Variants in FKBP5 observed in about 807,000 individuals in gnomAD.
FKBP5 encodes the protein peptidyl-prolyl cis-trans isomerase FKBP5.
Under a neutral mutation model 50.5 loss-of-function variants are expected in FKBP5, and 23 were observed. That is an observed-to-expected ratio of 0.46 (90% CI 0.33 to 0.65). The LOEUF is 0.65. Among genes scored for constraint, FKBP5 ranks in the 30% least tolerant of loss-of-function variants. The pLI is 0.02. For missense variants in FKBP5, 411 were observed against 553.1 expected (o/e 0.74, Z 2.58); for synonymous variants, 176 against 190.6 (o/e 0.92, Z 0.63).
chr6:35,646,047 C>T (rs1156486413), intron 1 of FKBP5, among the ~76,000 whole-genome samples: 1 of 152,034 alleles, frequency 6.6e-6, no homozygotes, highest in African/African-American at 2.4e-5. Flanking sequence ...ACCTGGGAGG[C>T]AGAAGTTGCA....
chr6:35,651,160 T>C (rs778031968), intron 1 of FKBP5, among the ~76,000 whole-genome samples: 5 of 152,124 alleles, frequency 3.3e-5, no homozygotes, highest in Non-Finnish European at 5.9e-5. Context: ...ATAGAAGAAG[T>C]TTGGAAAGAT....
chr6:35,717,060 C>T (rs1336302527), intron 2 of FKBP5, among the ~76,000 whole-genome samples: 1 of 152,106 alleles, frequency 6.6e-6, no homozygotes, highest in African/African-American at 2.4e-5. Context: ...GAATCCTTAC[C>T]CCACCCCCCG....
At chr6:35,612,929 A>G (rs1297066014) in intron 5 of FKBP5, among the ~76,000 whole-genome samples, 1 of 152,250 alleles carries the variant, frequency 6.6e-6, no homozygotes, top group African/African-American at 2.4e-5. Flanking sequence ...TGTGGGAGTG[A>G]AAACTATTCC....
chr6:35,627,928 A>ATT (rs35468991), intron 3 of FKBP5, among the ~76,000 whole-genome samples: 19,480 of 108,336 alleles, frequency 0.18, 2,090 homozygotes, highest in Non-Finnish European at 0.23. Flanking sequence ...TGCCCAGCTA[A>ATT]TTTTTTTTTT....
At chr6:35,626,870 T>C (rs1005945364) in intron 3 of FKBP5, among the ~76,000 whole-genome samples, 3 of 152,254 alleles carry the variant, frequency 2.0e-5, no homozygotes, top group Admixed American at 1.3e-4. Flanking sequence ...TGTTTATCTA[T>C]TCATCTATTG....
At chr6:35,603,449 T>C (rs562796713) in intron 5 of FKBP5, among the ~76,000 whole-genome samples, 4 of 152,348 alleles carry the variant, frequency 2.6e-5, no homozygotes, top group African/African-American at 9.6e-5. Context: ...TAAATATTTA[T>C]TTAATGACTA....
intron 5 of FKBP5, among the ~76,000 whole-genome samples, chr6:35,601,219 T>C (rs1425592473): frequency 5.3e-5 from 8 of 152,146 alleles, no homozygotes; most frequent in African/African-American, 1.9e-4. Context: ...TAAACGGATA[T>C]ACATCCAGAC....
intron 3 of FKBP5, among the ~76,000 whole-genome samples, chr6:35,622,653 C>T (rs1335412174): frequency 1.3e-5 from 2 of 152,186 alleles, no homozygotes; most frequent in Non-Finnish European, 2.9e-5. Context: ...TGTGCTGTCA[C>T]TTTTTAAAAA....
intron 1 of FKBP5, among the ~76,000 whole-genome samples, chr6:35,672,370 T>A (rs1206104932): frequency 2.0e-5 from 3 of 152,074 alleles, no homozygotes; most frequent in African/African-American, 7.2e-5. Context: ...GAAAAAAGTT[T>A]TGTATAGGCA....
At chr6:35,619,993 A>C (rs1763782477) in intron 4 of FKBP5, 139 bp downstream of exon 4, 1 of 1,064,092 alleles carries the variant, frequency 9.4e-7, no homozygotes, top group African/African-American at 1.6e-5. Flanking sequence ...GAAACAATTC[A>C]AGAAGCCATG....
rs536210621 is a variant in FKBP5, at chr6:35,577,296, C to T, written c.1027-63G>A. ...TTTAATAAATTCAGTAAACAGCTTACCAAAGTTCTCTTGCCAAAGGAGATG... is the reference window on the plus strand; with the variant it reads ...TTTAATAAATTCAGTAAACAGCTTATCAAAGTTCTCTTGCCAAAGGAGATG... On this transcript the variant is annotated intron_variant, in intron 9 of 10. Transcript: ENST00000357266. The T allele has an allele frequency of 9.7e-6, 14 of 1,436,332 alleles. No homozygotes were observed. In the East Asian group the frequency reaches 3.0e-4, roughly 31 times the overall value. 89.0% of individuals were successfully genotyped at this position (1,436,332 alleles called of 1,614,324 possible).
intron 6 of FKBP5, among the ~76,000 whole-genome samples, chr6:35,592,103 C>T (rs1762839679): frequency 1.3e-5 from 2 of 152,224 alleles, no homozygotes; most frequent in African/African-American, 2.4e-5. Flanking sequence ...GCATATTAGT[C>T]AAGTGTTCAC....
chr6:35,589,119 TATATATATA>T (rs1762725652), intron 7 of FKBP5, among the ~76,000 whole-genome samples: 2 of 128,184 alleles, frequency 1.6e-5, no homozygotes, highest in Non-Finnish European at 1.6e-5. Context: ...TTTATATATA[TATATATATA>T]TTTTTTTTTT....
chr6:35,673,316 A>G (rs571460200), intron 1 of FKBP5, among the ~76,000 whole-genome samples: 1 of 152,286 alleles, frequency 6.6e-6, no homozygotes. Context: ...TTGGGAGGCC[A>G]GGGCAGGCAG....
chr6:35,590,341 C>T (rs1344059311), intron 7 of FKBP5, among the ~76,000 whole-genome samples: 3 of 152,098 alleles, frequency 2.0e-5, no homozygotes, highest in African/African-American at 7.2e-5. Context: ...GGAGGTAGCA[C>T]TGTGCAGGAA....
intron 1 of FKBP5, among the ~76,000 whole-genome samples, chr6:35,726,880 A>C (rs1337659917): frequency 6.6e-6 from 1 of 152,176 alleles, no homozygotes; most frequent in Non-Finnish European, 1.5e-5. Flanking sequence ...CTCAAAGAAG[A>C]AGCAGACTTT....
intron 2 of FKBP5, among the ~76,000 whole-genome samples, chr6:35,640,567 A>G (rs537519537): frequency 1.3e-5 from 2 of 152,290 alleles, no homozygotes; most frequent in African/African-American, 4.8e-5. Context: ...TTTATTTTAA[A>G]ATTTTTCTTC....
At chr6:35,675,600 C>A (rs1765506278) in intron 1 of FKBP5, among the ~76,000 whole-genome samples, 1 of 152,078 alleles carries the variant, frequency 6.6e-6, no homozygotes, top group Non-Finnish European at 1.5e-5. Flanking sequence ...TACTCTTAAT[C>A]CCCAGCCTAC....
At position 35,700,444 on chromosome 6, in the gene FKBP5, G is replaced by T. The variant is rs565483134; in HGVS notation, c.-20+19884C>A. The stretch of plus-strand genomic sequence containing the variant: ...CAGCCCAGAATCAAGGGATACACAG[G>T]ATATGAATACCCGTAGCCATGGCTC... On this transcript the variant is annotated intron_variant, in intron 2 of 11. Coordinates refer to the FKBP5 transcript ENST00000536438. 5.9e-4 allele frequency among the ~76,000 whole-genome samples: 90 copies of T among 152,280 alleles called. 1 individual carries two copies. The South Asian group carries it at 6.8e-3, about 12-fold the overall frequency.
Sources: allele counts gnomAD v4.1 joint callset (sites outside exome capture counted in the v4.1 genomes callset), GRCh38; gene constraint gnomAD v4.1.1; transcripts MANE v1.5; gene names NCBI Gene and HGNC (gene_info 2026-07-23, HGNC 2026-07-21).